The following RBM47 variants were observed in gnomAD, a reference collection of about 807,000 sequenced individuals.
RBM47 encodes RNA binding motif protein 47.
In RBM47, 21 loss-of-function variants were observed where a neutral mutation model predicts 47.1. The ratio of observed to expected loss-of-function variants is 0.45; its 90% CI spans 0.32 to 0.64. The LOEUF (loss-of-function observed/expected upper bound fraction) is 0.64, where lower values mean the gene tolerates loss of function less well. Among genes scored for constraint, RBM47 ranks in the 30% least tolerant of loss-of-function variants. RBM47 has a pLI of 0.05. For synonymous variants in RBM47, 375 were observed against 361.7 expected (o/e 1.04, Z -0.42); for missense variants, 708 against 870.9 (o/e 0.81, Z 2.35).
At chr4:40,494,839 A>T (rs1211043629) in intron 2 of RBM47, among the ~76,000 whole-genome samples, 1 of 152,236 alleles carries the variant, frequency 6.6e-6, no homozygotes, top group Non-Finnish European at 1.5e-5. Context: ...CACAGAAAAC[A>T]TATAGAGAAA....
At chr4:40,558,296 CT>C (rs1256437111) in intron 1 of RBM47, among the ~76,000 whole-genome samples, 1 of 152,054 alleles carries the variant, frequency 6.6e-6, no homozygotes, top group Non-Finnish European at 1.5e-5. Context: ...CTGTCATTTG[CT>C]TTAACTTAAA....
intron 1 of RBM47, among the ~76,000 whole-genome samples, chr4:40,562,435 G>C (rs1338028284): frequency 6.7e-6 from 1 of 149,984 alleles, no homozygotes; most frequent in Non-Finnish European, 1.5e-5. Flanking sequence ...TTACATTTTA[G>C]ACCCCTTCTC....
At chr4:40,514,051 T>C (rs1259423029) in intron 2 of RBM47, among the ~76,000 whole-genome samples, 2 of 152,062 alleles carry the variant, frequency 1.3e-5, no homozygotes, top group Non-Finnish European at 2.9e-5. Context: ...TTATCTTGTC[T>C]AAATTTAACA....
chr4:40,621,501 C>T (rs903538132), intron 1 of RBM47, among the ~76,000 whole-genome samples: 4 of 152,168 alleles, frequency 2.6e-5, no homozygotes, highest in Admixed American at 6.5e-5. Context: ...CAGGTCAAGA[C>T]AAAAATACCT....
chr4:40,564,663 A>C (rs1031783678), intron 1 of RBM47, among the ~76,000 whole-genome samples: 1 of 152,250 alleles, frequency 6.6e-6, no homozygotes, highest in Admixed American at 6.5e-5. Context: ...AGAGTAAAAC[A>C]TACTCATTTA....
At chr4:40,469,794 C>G (rs573126818) in intron 2 of RBM47, among the ~76,000 whole-genome samples, 1 of 152,004 alleles carries the variant, frequency 6.6e-6, no homozygotes. Flanking sequence ...CACAAAACTA[C>G]GTGAGACATT....
intron 3 of RBM47, among the ~76,000 whole-genome samples, chr4:40,464,404 G>C (rs989924822): frequency 1.3e-5 from 2 of 151,950 alleles, no homozygotes; most frequent in African/African-American, 4.8e-5. Flanking sequence ...TTATAAATTA[G>C]GCACAGTAAG....
At chr4:40,506,068 G>A (rs906103836) in intron 2 of RBM47, among the ~76,000 whole-genome samples, 3 of 152,152 alleles carry the variant, frequency 2.0e-5, no homozygotes, top group Non-Finnish European at 2.9e-5. Context: ...CAACAGCAGT[G>A]ATGGTACAGA....
At chr4:40,597,432 C>T (rs539913660) in intron 1 of RBM47, among the ~76,000 whole-genome samples, 2 of 150,892 alleles carry the variant, frequency 1.3e-5, no homozygotes, top group Admixed American at 1.3e-4. Context: ...CCCGTCTCTA[C>T]TAAAAATACA....
chr4:40,492,495 C>G (rs1222523324), intron 2 of RBM47, among the ~76,000 whole-genome samples: 1 of 152,250 alleles, frequency 6.6e-6, no homozygotes, highest in Admixed American at 6.5e-5. Flanking sequence ...GACACCTCTC[C>G]TGTTCCGATC....
At chr4:40,481,191 TA>T (rs1456475069) in intron 2 of RBM47, among the ~76,000 whole-genome samples, 13 of 152,140 alleles carry the variant, frequency 8.5e-5, no homozygotes, top group African/African-American at 3.1e-4. Context: ...AACTGGTGTT[TA>T]AGTAGCACTT....
At chr4:40,588,926 G>T (rs1451668055) in intron 1 of RBM47, among the ~76,000 whole-genome samples, 1 of 147,376 alleles carries the variant, frequency 6.8e-6, no homozygotes, top group Non-Finnish European at 1.5e-5. Context: ...TCTGGGATTT[G>T]ATTAGAAATT....
chr4:40,605,177 C>T lies in RBM47; in HGVS notation c.-240+24219G>A, dbSNP rs556168160. On this transcript the variant is annotated intron_variant, in intron 1 of 6. Coordinates refer to ENST00000295971, the MANE Select transcript of RBM47 (RefSeq NM_001098634.2). ...AGCTGGGATTACAGGCACCCGCCAC[C>T]GCGCCCAGCTAATTTTTTTGTATTT... 1.7e-3 allele frequency among the ~76,000 whole-genome samples: 252 copies of T among 150,574 alleles called. 2 individuals carry two copies. The highest frequency in any genetic ancestry group is 5.8e-3 in the African/African-American group (239 of 40,950).
At chr4:40,600,979 C>A (rs1385258223) in intron 1 of RBM47, among the ~76,000 whole-genome samples, 1 of 16,406 alleles carries the variant, frequency 6.1e-5, no homozygotes, top group African/African-American at 1.7e-4. Flanking sequence ...GAGTGAAACT[C>A]CGTCTCAAAA....
At chr4:40,431,597 G>A (rs1388199572) in intron 6 of RBM47, among the ~76,000 whole-genome samples, 1 of 151,446 alleles carries the variant, frequency 6.6e-6, no homozygotes, top group Non-Finnish European at 1.5e-5. Flanking sequence ...GGCGGAGCTT[G>A]CAGTGAGCCG....
chr4:40,615,790 T>C (rs2154280174), intron 1 of RBM47, among the ~76,000 whole-genome samples: 1 of 152,018 alleles, frequency 6.6e-6, no homozygotes, highest in African/African-American at 2.4e-5. Flanking sequence ...CAAAATTAAT[T>C]AATTAACTAA....
At chr4:40,493,179 C>T (rs1249457154) in intron 2 of RBM47, among the ~76,000 whole-genome samples, 1 of 152,126 alleles carries the variant, frequency 6.6e-6, no homozygotes, top group African/African-American at 2.4e-5. Context: ...AGGATTCCCC[C>T]TATGAGCTGG....
chr4:40,549,394 T>C, intron 1 of RBM47, among the ~76,000 whole-genome samples: 1 of 151,998 alleles, frequency 6.6e-6, no homozygotes, highest in Non-Finnish European at 1.5e-5. Context: ...GCCCAGCCAG[T>C]ACCTCAGTCT....
intron 1 of RBM47, among the ~76,000 whole-genome samples, chr4:40,571,081 T>G (rs866117544): frequency 1.4e-4 from 21 of 151,976 alleles, no homozygotes; most frequent in Non-Finnish European, 2.9e-4. Context: ...CAGGGCGTGG[T>G]GGTACATGCC....
Sources: gnomAD v4.1 joint callset for allele counts (sites outside exome capture counted in the v4.1 genomes callset) on GRCh38, gnomAD v4.1.1 for gene constraint, MANE v1.5 for transcripts, NCBI Gene and HGNC (gene_info 2026-07-23, HGNC 2026-07-21) for gene names.